The following DDR1 variants were observed in gnomAD, a reference collection of about 807,000 sequenced individuals.
DDR1 encodes the protein epithelial discoidin domain-containing receptor 1.
DDR1 carries 64 observed loss-of-function variants against 97.4 expected under a neutral mutation model. The ratio of observed to expected loss-of-function variants is 0.66; its 90% CI spans 0.54 to 0.81. The LOEUF (loss-of-function observed/expected upper bound fraction) is 0.81, where lower values mean the gene tolerates loss of function less well. DDR1 is among the 30% of genes least tolerant of loss of function. The pLI is 0.00. For synonymous variants in DDR1, 458 were observed against 503.7 expected (o/e 0.91, Z 1.21); for missense variants, 990 against 1,259.6 (o/e 0.79, Z 3.24).
At position 30,888,448 on chromosome 6, in the gene DDR1, T is replaced by C. The variant is rs1045014833; in HGVS notation, c.-42-240T>C. On this transcript the variant is annotated intron_variant, in intron 1 of 17. Coordinates refer to ENST00000376568, the MANE Select transcript of DDR1 (RefSeq NM_001297654.2). The surrounding 1 kb of genome is among the most constrained non-coding windows in gnomAD (Gnocchi z 4.2). ...AGTTTCTTCATGTGTTAAATATGGA[T>C]AGTAATAGTATCTACCTTATGAAGT... 1 of 522,088 alleles carries C rather than the reference T, an allele frequency of 1.9e-6. No individual in the cohort carries two copies. The allele number at this position is 522,088 out of a possible 1,614,324, so 32.3% of individuals were successfully genotyped here. A position where few individuals can be genotyped will look rare whatever the true frequency, so the allele number is the denominator to read the frequency against.
rs9461639 is a variant in DDR1, at chr6:30,891,578, G to T, written c.665+99G>T. 1.2e-6 allele frequency: 1 copy of T among 829,902 alleles called. No homozygotes were observed. Among genetic ancestry groups the T allele is most frequent in the Non-Finnish European group, 1.9e-6 (1 of 531,068 alleles). The allele number at this position is 829,902 out of a possible 1,614,324, so 51.4% of individuals were successfully genotyped here. ...GTGTGAGAGTGTGTGTGTGTAGGGG[G>T]GCTGGTAAGTAGGGTGGGGAGTGAG... is the stretch of plus-strand genomic sequence containing the variant. On this transcript the variant is annotated intron_variant, in intron 6 of 17. Coordinates refer to ENST00000376568, the MANE Select transcript of DDR1 (RefSeq NM_001297654.2). This position sits in a 1 kb window ranked among gnomAD's most constrained non-coding sequence, Gnocchi z 5.3.
upstream of DDR1, chr6:30,884,323 G>C (rs2150212423): frequency 6.6e-6 from 1 of 151,508 alleles, no homozygotes; most frequent in East Asian, 2.0e-4. This position sits in a 1 kb window ranked among gnomAD's most constrained non-coding sequence, Gnocchi z 6.1. Context: ...GGCGTGGCGG[G>C]CGCGGGGCCT....
chr6:30,899,455 A>C lies in DDR1; in HGVS notation c.*159A>C. On this transcript the variant is annotated 3_prime_UTR_variant, in exon 18 of 18. Coordinates refer to ENST00000376568, the MANE Select transcript of DDR1 (RefSeq NM_001297654.2). The stretch of plus-strand genomic sequence containing the variant: ...GCAGGTGGGCTGGGCCCACCCAGGG[A>C]GCTGATGCCCCTTCTCCCCTTCCTG... 8.4e-6 allele frequency: 7 copies of C among 836,384 alleles called. No homozygotes were observed. The highest frequency in any genetic ancestry group is 1.3e-5 in the Non-Finnish European group (7 of 555,534). The allele number at this position is 836,384 out of a possible 1,614,324, so 51.8% of individuals were successfully genotyped here. A position where few individuals can be genotyped will look rare whatever the true frequency, so the allele number is the denominator to read the frequency against.
At position 30,889,281 on chromosome 6, in the gene DDR1, G is replaced by A; in HGVS notation, c.268G>A (p.Asp90Asn). The change falls in exon 4 of 18, where the codon GAT (aspartate) becomes AAT (asparagine). Residue 90 changes from aspartate (D) to asparagine (N), a missense_variant. Coordinates refer to ENST00000376568, the MANE Select transcript of DDR1 (RefSeq NM_001297654.2). The surrounding 1 kb of genome is among the most constrained non-coding windows in gnomAD (Gnocchi z 4.9). The stretch of plus-strand genomic sequence containing the variant: ...CAAGGAGGAGGAGTACTTGCAGGTG[G>A]ATCTACAACGACTGCACCTGGTGGC... ...FPKEEEYLQV[D>N]LQRLHLVALV... 1 of 1,613,010 alleles carries A rather than the reference G, an allele frequency of 6.2e-7. No individual in the cohort carries two copies. The highest frequency in any genetic ancestry group is 8.5e-7 in the Non-Finnish European group (1 of 1,180,010).
At chr6:30,893,246 G>A (rs1789295348) in intron 9 of DDR1, 26 bp from the exon 10 acceptor site, 2 of 1,601,086 alleles carry the variant, frequency 1.2e-6, no homozygotes, top group African/African-American at 2.7e-5. Context: ...ACCCTCCTGT[G>A]GTGCTGACCC....
intron 11 of DDR1, 22 bp from the exon 12 acceptor site, chr6:30,895,382 C>G: frequency 1.3e-6 from 2 of 1,584,202 alleles, no homozygotes; most frequent in African/African-American, 2.7e-5. Context: ...CCCCGTGTTT[C>G]CCCTCCTCCT....
intron 8 of DDR1, 105 bp from the exon 9 acceptor site, chr6:30,892,963 A>C: frequency 9.9e-7 from 1 of 1,015,100 alleles, no homozygotes; most frequent in South Asian, 1.5e-5. Flanking sequence ...GCCTATTGAG[A>C]ATCACCCATG....
Position 30,890,075 on chromosome 6 carries a change from T to C in DDR1, c.417+645T>C, listed in dbSNP as rs1228523907. On this transcript the variant is annotated intron_variant, in intron 4 of 17. Coordinates refer to ENST00000376568, the MANE Select transcript of DDR1 (RefSeq NM_001297654.2). The surrounding 1 kb of genome is among the most constrained non-coding windows in gnomAD (Gnocchi z 5.0). Reference sequence around the variant, plus strand: ...GATGCCAAACGCGTCTCCCTGCTTCTGCCCTTTTCTGCCTGGAGTCAAATC... The same window carrying C: ...GATGCCAAACGCGTCTCCCTGCTTCCGCCCTTTTCTGCCTGGAGTCAAATC... Among the ~76,000 whole-genome samples, 1 of 152,196 alleles carries C rather than the reference T, an allele frequency of 6.6e-6. No homozygotes were observed. The highest frequency in any genetic ancestry group is 1.5e-5 in the Non-Finnish European group (1 of 68,028).
In DDR1 at chr6:30,890,983, G is replaced by C; in HGVS notation, c.428G>C (p.Gly143Ala). Residue 143 changes from glycine (G) to alanine (A), a missense_variant, in exon 5 of 18, where the codon GGC becomes GCC. Physicochemically the swap from Gly to Ala is moderately conservative, Grantham distance 60. Coordinates refer to ENST00000376568, the MANE Select transcript of DDR1 (RefSeq NM_001297654.2). The surrounding 1 kb of genome is among the most constrained non-coding windows in gnomAD (Gnocchi z 5.0). The stretch of plus-strand genomic sequence containing the variant: ...TTTCCTGGCCCACAGGTGATCTCAG[G>C]CAATGAGGACCCTGAGGGAGTGGTG... Reference protein sequence around the residue: ...KDRWGQEVISGNEDPEGVVLK... With the variant: ...KDRWGQEVISANEDPEGVVLK... The C allele has an allele frequency of 2.5e-6, 4 of 1,605,344 alleles. No homozygotes were observed. Among genetic ancestry groups the C allele is most frequent in the Non-Finnish European group, 3.4e-6 (4 of 1,176,120 alleles).
rs9366762 is a variant in DDR1 at position 30,896,283 on chromosome 6, C to T, written c.1625-338C>T. 0.014 allele frequency among the ~76,000 whole-genome samples: 2,118 copies of T among 151,694 alleles called. 116 individuals carry two copies. In the East Asian group the frequency reaches 0.2, roughly 14 times the overall value. On this transcript the variant is annotated intron_variant, in intron 12 of 17. Transcript: ENST00000376568. Reference sequence around the variant, plus strand: ...CCTGGATGCTGGGACCATCCTGAGGCGGGAGAATTCCTGGGGAGGAATTCT... The same window carrying T: ...CCTGGATGCTGGGACCATCCTGAGGTGGGAGAATTCCTGGGGAGGAATTCT...
In DDR1 at chr6:30,893,411, G is replaced by C. The variant is rs759356928; in HGVS notation, c.1335G>C (p.Arg445Ser). The change falls in exon 10 of 18, where the codon AGG (arginine) becomes AGC (serine). Residue 445 changes from arginine (R) to serine (S), a missense_variant. By Grantham distance (110) the Arg-to-Ser change is moderately radical (BLOSUM62 -1). Transcript: ENST00000376568. ...TGCTCTGGCGGCTGCACTGGCGCAG[G>C]CTCCTCAGCAAGGTGGGCACAGCCG... The part of the protein sequence containing the change: ...ALMLWRLHWR[R>S]LLSKAERRVL... 6.9e-6 allele frequency: 11 copies of C among 1,604,000 alleles called. No homozygotes were observed. In the East Asian group the frequency reaches 8.9e-5, roughly 13 times the overall value.
chr6:30,889,373 G>A lies in DDR1; in HGVS notation c.360G>A (p.Leu120=). The A allele has an allele frequency of 1.9e-6, 3 of 1,605,870 alleles. No individual in the cohort carries two copies. Among genetic ancestry groups the A allele is most frequent in the Non-Finnish European group, 2.6e-6 (3 of 1,176,280 alleles). ...AGGAGTTCTCCCGGAGCTACCGGCT[G>A]CGTTACTCCCGGGATGGTCGCCGCT... ...LGKEFSRSYR[L]RYSRDGRRWM... Residue 120 remains leucine, a synonymous_variant, in exon 4 of 18, where the codon CTG becomes CTA. Transcript: ENST00000376568. This position sits in a 1 kb window ranked among gnomAD's most constrained non-coding sequence, Gnocchi z 4.9.
chr6:30,897,134 A>G lies in DDR1; in HGVS notation c.1990A>G (p.Asn664Asp), dbSNP rs1306160081. The G allele has an allele frequency of 3.7e-6, 6 of 1,613,844 alleles. No individual in the cohort carries two copies. Among genetic ancestry groups the G allele is most frequent in the Non-Finnish European group, 4.2e-6 (5 of 1,179,926 alleles). Residue 664 changes from asparagine (N) to aspartate (D), a missense_variant, in exon 14 of 18, where the codon AAT (asparagine) becomes GAT (aspartate). Transcript: ENST00000376568. This position sits in a 1 kb window ranked among gnomAD's most constrained non-coding sequence, Gnocchi z 5.2. ...GATCTTACGGCCAGATGCCACCAAG[A>G]ATGCCAGGTGAGGACCAGGGATGGC... ...VKILRPDATK[N>D]ARNDFLKEVK...
Position 30,891,748 on chromosome 6 carries a change from C to T in DDR1, c.666-254C>T, listed in dbSNP as rs1788455628. ...AAATTGCTGCAATAAATATACACAT[C>T]ATAGATTGAAATGGTGCCCCTTAGA... is the stretch of plus-strand genomic sequence containing the variant. On this transcript the variant is annotated intron_variant, in intron 6 of 17. Coordinates refer to ENST00000376568, the MANE Select transcript of DDR1 (RefSeq NM_001297654.2). The surrounding 1 kb of genome is among the most constrained non-coding windows in gnomAD (Gnocchi z 5.3). 6.6e-6 allele frequency among the ~76,000 whole-genome samples: 1 copy of T among 152,090 alleles called. No homozygotes were observed.
chr6:30,896,899 T>G, intron 13 of DDR1, 34 bp downstream of exon 13: 1 of 1,561,422 alleles, frequency 6.4e-7, no homozygotes, highest in Non-Finnish European at 8.7e-7. Context: ...TCTGGCCCTA[T>G]TGTGTGCTCT....
chr6:30,890,022 G>A lies in DDR1; in HGVS notation c.417+592G>A, dbSNP rs58455409. 0.011 allele frequency among the ~76,000 whole-genome samples: 1,645 copies of A among 152,094 alleles called. 14 individuals carry two copies. Among genetic ancestry groups the A allele is most frequent in the Middle Eastern group, 0.024 (7 of 294 alleles). ...CTCTACTGCCCTAGGCCACCTGCCC[G>A]CCATCTCCAGCTTAGATGAGTGCAG... On this transcript the variant is annotated intron_variant, in intron 4 of 17. Transcript: ENST00000376568. The surrounding 1 kb of genome is among the most constrained non-coding windows in gnomAD (Gnocchi z 5.0).
chr6:30,898,401 C>G (rs1381674227), intron 16 of DDR1, 94 bp downstream of exon 16: 3 of 911,906 alleles, frequency 3.3e-6, no homozygotes, highest in Non-Finnish European at 5.1e-6. Flanking sequence ...CACACACTTT[C>G]TCTGGGTTGC....
intron 12 of DDR1, 124 bp from the exon 13 acceptor site, chr6:30,896,497 A>C (rs1790801086): frequency 7.9e-6 from 10 of 1,258,280 alleles, no homozygotes; most frequent in Non-Finnish European, 1.1e-5. Context: ...AAGATACAGC[A>C]TAGACCCAGT....
intron 1 of DDR1, chr6:30,885,354 G>A: frequency 4.1e-6 from 5 of 1,215,656 alleles, no homozygotes; most frequent in Non-Finnish European, 5.8e-6. Flanking sequence ...AGGGCCTGTA[G>A]GTGTGTCCAG....
Sources: gnomAD v4.1 joint callset for allele counts (sites outside exome capture counted in the v4.1 genomes callset) on GRCh38, gnomAD v4.1.1 for gene constraint, Gnocchi (gnomAD v3.1) non-coding constraint, MANE v1.5 for transcripts, NCBI Gene and HGNC (gene_info 2026-07-23, HGNC 2026-07-21) for gene names.